COPS8: variants seen among roughly 807,000 people sequenced by gnomAD.
COPS8 encodes COP9 signalosome subunit 8.
Under a neutral mutation model 31.5 loss-of-function variants are expected in COPS8, and 11 were observed. The ratio of observed to expected loss-of-function variants is 0.35; its 90% CI spans 0.22 to 0.58. The LOEUF is 0.58. COPS8 is among the 20% of genes least tolerant of loss of function. The pLI is 0.83. For synonymous variants in COPS8, 81 were observed against 89.3 expected (o/e 0.91, Z 0.52); for missense variants, 215 against 255.1 (o/e 0.84, Z 1.07).
chr2:237,086,923 C>T (rs1696627633), intron 1 of COPS8: 1 of 452,532 alleles, frequency 2.2e-6, no homozygotes, highest in Non-Finnish European at 3.7e-6. Context: ...AAACTTAATA[C>T]TCAGAATTTT....
chr2:237,091,395 G>A (rs889971090), intron 4 of COPS8, among the ~76,000 whole-genome samples: 1 of 152,182 alleles, frequency 6.6e-6, no homozygotes. Context: ...TTGTAAATGA[G>A]TTAATATATA....
chr2:237,086,094 G>T, intron 1 of COPS8, 52 bp downstream of exon 1: 1 of 1,523,748 alleles, frequency 6.6e-7, no homozygotes, highest in Non-Finnish European at 9.0e-7. Flanking sequence ...TTAGGCCCTG[G>T]GGCGGCACCA....
chr2:237,086,095 G>C (rs904746861), intron 1 of COPS8, 53 bp downstream of exon 1: 141 of 1,512,830 alleles, frequency 9.3e-5, no homozygotes, highest in Admixed American at 3.4e-4. Flanking sequence ...TAGGCCCTGG[G>C]GCGGCACCAG....
intron 2 of COPS8, 55 bp from the exon 3 acceptor site, chr2:237,088,550 C>A (rs1305477514): frequency 7.5e-7 from 1 of 1,327,182 alleles, no homozygotes; most frequent in Admixed American, 1.9e-5. Flanking sequence ...TTTAACATTT[C>A]CTGAGATGAT....
Position 237,098,090 on chromosome 2 carries a change from T to C in COPS8, c.*348T>C, listed in dbSNP as rs140709554. ...TGTCCCAGCACATGCCGTACTCTTA[T>C]ATGTACCATTGGTTGATAATTATAA... On this transcript the variant is annotated 3_prime_UTR_variant, in exon 8 of 8. Coordinates refer to ENST00000354371, the MANE Select transcript of COPS8 (RefSeq NM_006710.5). 70 of 179,946 alleles carry C rather than the reference T, an allele frequency of 3.9e-4. No individual in the cohort carries two copies. Among genetic ancestry groups the C allele is most frequent in the Middle Eastern group, 2.6e-3 (1 of 384 alleles). 11.1% of individuals were successfully genotyped at this position (179,946 alleles called of 1,614,324 possible).
intron 2 of COPS8, 200 bp downstream of exon 2, chr2:237,087,397 G>T: frequency 1.9e-6 from 1 of 532,514 alleles, no homozygotes; most frequent in Non-Finnish European, 3.4e-6. Flanking sequence ...ATACTTTCTA[G>T]AAAACATTTC....
In COPS8 at chr2:237,093,138, C is replaced by A. The variant is rs114287430; in HGVS notation, c.332-952C>A. Among the ~76,000 whole-genome samples, 816 of 152,156 alleles carry A rather than the reference C, an allele frequency of 5.4e-3. 7 individuals are homozygous for A. Among genetic ancestry groups the A allele is most frequent in the African/African-American group, 0.017 (691 of 41,506 alleles). On this transcript the variant is annotated intron_variant, in intron 4 of 7. Transcript: ENST00000354371. Reference sequence around the variant, plus strand: ...GAGCAGACAGGAGGGCATTTCAGGCCACGGGATAGCATAAACCAAAAGCCC... The same window carrying A: ...GAGCAGACAGGAGGGCATTTCAGGCAACGGGATAGCATAAACCAAAAGCCC...
intron 6 of COPS8, 71 bp downstream of exon 6, chr2:237,095,955 G>T: frequency 9.5e-7 from 1 of 1,057,802 alleles, no homozygotes; most frequent in South Asian, 1.3e-5. Context: ...TCAGTCTTTG[G>T]TTTTTGATAA....
At chr2:237,088,997 A>G (rs577375233) in intron 3 of COPS8, among the ~76,000 whole-genome samples, 1 of 152,322 alleles carries the variant, frequency 6.6e-6, no homozygotes, top group East Asian at 1.9e-4. Flanking sequence ...CTATAATGGT[A>G]CTTATTTTGA....
intron 1 of COPS8, among the ~76,000 whole-genome samples, chr2:237,086,508 C>G (rs1008386052): frequency 6.6e-6 from 1 of 152,036 alleles, no homozygotes. Flanking sequence ...GTTAGCTTGC[C>G]ATTTTGTCTT....
intron 3 of COPS8, among the ~76,000 whole-genome samples, chr2:237,089,111 G>A (rs1413247721): frequency 6.6e-6 from 1 of 152,136 alleles, no homozygotes; most frequent in South Asian, 2.1e-4. Flanking sequence ...GAGATTAGAA[G>A]AAATAGCCTG....
intron 1 of COPS8, 132 bp downstream of exon 1, chr2:237,086,174 G>A (rs894407565): frequency 2.7e-5 from 23 of 860,682 alleles, no homozygotes; most frequent in Non-Finnish European, 4.1e-5. Context: ...GGAGGTGGAC[G>A]TGTGGATCCC....
chr2:237,094,220 T>G (rs751829342), intron 5 of COPS8, 23 bp downstream of exon 5: 5 of 1,606,208 alleles, frequency 3.1e-6, no homozygotes, highest in South Asian at 2.2e-5. Flanking sequence ...TACTTTTTAC[T>G]TATAAGGAAA....
At chr2:237,089,033 C>G (rs1003537643) in intron 3 of COPS8, among the ~76,000 whole-genome samples, 1 of 152,096 alleles carries the variant, frequency 6.6e-6, no homozygotes, top group African/African-American at 2.4e-5. Context: ...CAAGAATACT[C>G]TAAGAATGAT....
Position 237,086,315 on chromosome 2 carries a change from A to T in COPS8, c.78+273A>T, listed in dbSNP as rs1158051357. On this transcript the variant is annotated intron_variant, in intron 1 of 7. Coordinates refer to ENST00000354371, the MANE Select transcript of COPS8 (RefSeq NM_006710.5). Reference sequence around the variant, plus strand: ...CTCCAGCACCTACCGATGAGCTCATATTAATTAGGCATCTTTCCTTCCCAG... The same window carrying T: ...CTCCAGCACCTACCGATGAGCTCATTTTAATTAGGCATCTTTCCTTCCCAG... Among the ~76,000 whole-genome samples the T allele has an allele frequency of 2.6e-5, 4 of 152,268 alleles. No individual in the cohort carries two copies. The South Asian group carries it at 8.3e-4, about 32-fold the overall frequency.
intron 3 of COPS8, 115 bp from the exon 4 acceptor site, chr2:237,089,747 G>T (rs1392732167): frequency 5.9e-6 from 6 of 1,023,752 alleles, no homozygotes; most frequent in Non-Finnish European, 5.7e-6. Flanking sequence ...GTTGAATTAG[G>T]TTTTAATGAT....
At chr2:237,093,491 A>G (rs957630359) in intron 4 of COPS8, among the ~76,000 whole-genome samples, 2 of 152,178 alleles carry the variant, frequency 1.3e-5, no homozygotes, top group Non-Finnish European at 2.9e-5. Flanking sequence ...CCTGGGGACA[A>G]TCCTAAATGC....
At position 237,098,732 on chromosome 2, in the gene COPS8, G is replaced by A. The variant is rs925658782; in HGVS notation, c.*990G>A. Reference sequence around the variant, plus strand: ...GATAGTTTCTGGAAATTTCACTCTCGATCTTTCTGTGGACACAATCTATTT... The same window carrying A: ...GATAGTTTCTGGAAATTTCACTCTCAATCTTTCTGTGGACACAATCTATTT... On this transcript the variant is annotated 3_prime_UTR_variant, in exon 8 of 8. Transcript: ENST00000354371. 1.4e-4 allele frequency: 22 copies of A among 152,110 alleles called. No homozygotes were observed. The highest frequency in any genetic ancestry group is 1.0e-3 in the South Asian group (5 of 4,812). The allele number at this position is 152,110 out of a possible 1,614,324, so 9.4% of individuals were successfully genotyped here.
chr2:237,095,985 A>C, intron 6 of COPS8, 101 bp downstream of exon 6: 1 of 771,462 alleles, frequency 1.3e-6, no homozygotes, highest in Non-Finnish European at 2.3e-6. Context: ...AAATTCGGCT[A>C]TACTAACACA....
Sources: allele counts gnomAD v4.1 joint callset (sites outside exome capture counted in the v4.1 genomes callset), GRCh38; gene constraint gnomAD v4.1.1; transcripts MANE v1.5; gene names NCBI Gene and HGNC (gene_info 2026-07-23, HGNC 2026-07-21).